The following LRRC37B variants were observed in gnomAD, a reference collection of about 807,000 sequenced individuals.
LRRC37B encodes the protein leucine rich repeat containing 37B.
In LRRC37B, 28 loss-of-function variants were observed where a neutral mutation model predicts 98.3. That is an observed-to-expected ratio of 0.28 (90% CI 0.21 to 0.39). LRRC37B has a LOEUF of 0.39. Ranked by LOEUF, LRRC37B falls within the 10% of genes least tolerant of loss-of-function variation. LRRC37B has a pLI of 1.00. For synonymous variants in LRRC37B, 364 were observed against 442.7 expected (o/e 0.82, Z 2.23); for missense variants, 938 against 1,182.7 (o/e 0.79, Z 3.03).
At chr17:32,027,945 C>T (rs1276460718) in intron 3 of LRRC37B, 105 bp downstream of exon 6, 3 of 785,352 alleles carry the variant, frequency 3.8e-6, no homozygotes, top group Admixed American at 5.7e-5. Flanking sequence ...CAATAAAATT[C>T]TGCAATTCTG....
intron 11 of LRRC37B, chr17:32,050,411 C>A (rs1451333954): frequency 3.6e-6 from 1 of 274,770 alleles, no homozygotes; most frequent in South Asian, 3.8e-5. Context: ...GATGTACTCA[C>A]TGAGTCACCC....
chr17:32,013,422 A>G (rs1286012046), intron 1 of LRRC37B, among the ~76,000 whole-genome samples: 1 of 152,032 alleles, frequency 6.6e-6, no homozygotes, highest in Non-Finnish European at 1.5e-5. Context: ...ATTGATAATG[A>G]CTGGATTTAG....
chr17:32,030,602 A>C, intron 3 of LRRC37B, 54 bp from the exon 7 acceptor site: 1 of 1,400,832 alleles, frequency 7.1e-7, no homozygotes, highest in South Asian at 1.3e-5. Flanking sequence ...TATTATTCAT[A>C]CCAGTCAACA....
intron 1 of LRRC37B, among the ~76,000 whole-genome samples, chr17:32,011,407 C>T (rs994544033): frequency 9.9e-5 from 15 of 152,118 alleles, no homozygotes; most frequent in African/African-American, 3.4e-4. Context: ...CTATATTGCC[C>T]AGGCTGGTCT....
At chr17:32,022,685 G>C in exon 1 of LRRC37B, 1 of 1,613,996 alleles carries the variant, frequency 6.2e-7, no homozygotes, top group Admixed American at 1.7e-5. Context: ...AGGAACAGAA[G>C]GCCTCCACAA....
At chr17:32,029,346 G>A (rs1911049743) in intron 3 of LRRC37B, among the ~76,000 whole-genome samples, 1 of 152,124 alleles carries the variant, frequency 6.6e-6, no homozygotes. Flanking sequence ...ATTTCCATGT[G>A]TCAGTTTTAA....
At chr17:32,051,674 C>A (rs1035257766) in intron 11 of LRRC37B, 1 of 152,088 alleles carries the variant, frequency 6.6e-6, no homozygotes, top group Non-Finnish European at 1.5e-5. Context: ...GCACTCTAGC[C>A]TGGGCAACAG....
intron 2 of LRRC37B, among the ~76,000 whole-genome samples, chr17:32,025,245 A>AG (rs1249853184): frequency 4.2e-4 from 63 of 149,312 alleles, no homozygotes; most frequent in African/African-American, 1.2e-3. Flanking sequence ...TATGCTGCTT[A>AG]GGCTGGTCTT....
chr17:32,018,344 A>G (rs1910691619), upstream of LRRC37B, among the ~76,000 whole-genome samples: 1 of 152,152 alleles, frequency 6.6e-6, no homozygotes, highest in Non-Finnish European at 1.5e-5. Context: ...CAAACAAAAC[A>G]AAACTCAAGG....
Position 32,025,030 on chromosome 17 carries a change from G to GTTTTT in LRRC37B, c.1832+266_1832+270dup, listed in dbSNP as rs772444987. On this transcript the variant is annotated intron_variant, in intron 2 of 11. Coordinates refer to ENST00000327564, the Ensembl canonical transcript of LRRC37B. Reference sequence around the variant, plus strand: ...CATGGTTATATTCTTTTTTTTCCTCGTTTTTTTTTTTTTTTTTTTTTTCAG... The same window carrying GTTTTT: ...CATGGTTATATTCTTTTTTTTCCTCGTTTTTTTTTTTTTTTTTTTTTTTTTTTCAG... 9.3e-4 allele frequency among the ~76,000 whole-genome samples: 65 copies of GTTTTT among 69,920 alleles called. 9 individuals carry two copies. The highest frequency in any genetic ancestry group is 1.9e-3 in the African/African-American group (36 of 18,554). The allele number at this position is 69,920 out of a possible 152,430, so 45.9% of individuals were successfully genotyped here.
At chr17:32,037,468 G>C (rs1049602377) in intron 7 of LRRC37B, among the ~76,000 whole-genome samples, 5 of 151,908 alleles carry the variant, frequency 3.3e-5, no homozygotes, top group African/African-American at 1.2e-4. Flanking sequence ...GTTTCATCTT[G>C]TCGGCCAGGC....
intron 7 of LRRC37B, among the ~76,000 whole-genome samples, chr17:32,036,705 A>G (rs1364222610): frequency 2.0e-5 from 3 of 152,166 alleles, no homozygotes; most frequent in African/African-American, 7.2e-5. Context: ...GGATGTATCA[A>G]TTTGTTTATC....
chr17:32,024,854 A>C, intron 2 of LRRC37B, 72 bp downstream of exon 5: 1 of 1,569,390 alleles, frequency 6.4e-7, no homozygotes, highest in Non-Finnish European at 8.7e-7. Context: ...CAGAATTTTG[A>C]GGTCCATACC....
chr17:32,038,054 G>C (rs1054010519), intron 7 of LRRC37B, among the ~76,000 whole-genome samples: 34 of 152,108 alleles, frequency 2.2e-4, no homozygotes, highest in Non-Finnish European at 4.9e-4. Flanking sequence ...GTTATCCCAG[G>C]GGGTGGAGCT....
chr17:32,049,967 GTTCTTTCTTTT>G (rs769968149), intron 10 of LRRC37B, 25 bp from the exon 14 acceptor site: 2 of 1,258,104 alleles, frequency 1.6e-6, no homozygotes, highest in Non-Finnish European at 1.1e-6. Context: ...TTTTTTAATT[GTTCTTTCTTTT>G]TTCTTTTTTT....
chr17:32,044,531 G>C (rs1349374914), intron 7 of LRRC37B, among the ~76,000 whole-genome samples: 1 of 152,134 alleles, frequency 6.6e-6, no homozygotes, highest in Non-Finnish European at 1.5e-5. Flanking sequence ...GACCCCAGGT[G>C]GCTCATAATG....
At position 32,050,065 on chromosome 17, in the gene LRRC37B, T is replaced by C. The variant is rs1306705519; in HGVS notation, c.2820T>C (p.Thr940=). The stretch of plus-strand genomic sequence containing the variant: ...AACTCATCTTCGCAATATCTGTGAC[T>C]GTAATACTAATAATTTTGATTATAA... Residue 940 remains threonine, a synonymous_variant, in exon 11 of 12, where the codon ACT becomes ACC. Transcript: ENST00000327564. 3.1e-6 allele frequency: 5 copies of C among 1,588,756 alleles called. No homozygotes were observed. The South Asian group carries it at 5.6e-5, about 18-fold the overall frequency.
chr17:32,039,829 T>C (rs1598210963), intron 7 of LRRC37B: 1 of 151,948 alleles, frequency 6.6e-6, no homozygotes, highest in South Asian at 2.1e-4. Flanking sequence ...TTCACCGGGC[T>C]GTCAGATCTG....
chr17:32,035,904 T>TA, intron 7 of LRRC37B: 1 of 317,548 alleles, frequency 3.1e-6, no homozygotes, highest in Non-Finnish European at 5.8e-6. Flanking sequence ...TGTTAGCTAC[T>TA]AATCTGATTT....
Sources: gnomAD v4.1 joint callset for allele counts (sites outside exome capture counted in the v4.1 genomes callset) on GRCh38, gnomAD v4.1.1 for gene constraint, MANE v1.5 for transcripts, NCBI Gene and HGNC (gene_info 2026-07-23, HGNC 2026-07-21) for gene names.